IQCH: variants seen among roughly 807,000 people sequenced by gnomAD.
The protein encoded by IQCH is IQ domain-containing protein H.
In IQCH, 98 loss-of-function variants were observed where a neutral mutation model predicts 117.0. That is an observed-to-expected ratio of 0.84 (90% CI 0.71 to 0.99). IQCH has a LOEUF of 0.99. Ranked by LOEUF, IQCH falls within the 50% of genes least tolerant of loss-of-function variation. The probability of loss-of-function intolerance (pLI) is 0.00; values close to 1 mark genes in which losing one functional copy is unlikely to be tolerated. For synonymous variants in IQCH, 412 were observed against 448.2 expected (o/e 0.92, Z 1.02); for missense variants, 1,102 against 1,243.8 (o/e 0.89, Z 1.72).
chr15:67,257,116 C>T (rs1965254310), intron 1 of IQCH, among the ~76,000 whole-genome samples: 1 of 152,162 alleles, frequency 6.6e-6, no homozygotes, highest in South Asian at 2.1e-4. Flanking sequence ...TGAGATCTGA[C>T]CATGACTTTG....
intron 4 of IQCH, among the ~76,000 whole-genome samples, chr15:67,282,531 ATTG>A (rs1003057918): frequency 5.3e-5 from 8 of 152,254 alleles, no homozygotes; most frequent in East Asian, 1.9e-4. Context: ...CTGGATTACT[ATTG>A]TTGTTGTATA....
At chr15:67,319,885 CACATACAATAT>C (rs1397199761) in intron 4 of IQCH, among the ~76,000 whole-genome samples, 1 of 152,210 alleles carries the variant, frequency 6.6e-6, no homozygotes, top group African/African-American at 2.4e-5. Flanking sequence ...CACATACATA[CACATACAATAT>C]TTAAATGATC....
At chr15:67,315,732 C>T (rs536877671) in intron 4 of IQCH, among the ~76,000 whole-genome samples, 70 of 152,218 alleles carry the variant, frequency 4.6e-4, no homozygotes, top group African/African-American at 1.6e-3. Flanking sequence ...TCTTTGATAA[C>T]ACCAATTAGA....
At chr15:67,292,872 C>G (rs913936799) in intron 4 of IQCH, among the ~76,000 whole-genome samples, 2 of 152,148 alleles carry the variant, frequency 1.3e-5, no homozygotes, top group Non-Finnish European at 2.9e-5. Flanking sequence ...ACTTTTACTC[C>G]TCTCTTTCCA....
At chr15:67,399,784 AAAAG>A in intron 13 of IQCH, among the ~76,000 whole-genome samples, 1 of 152,352 alleles carries the variant, frequency 6.6e-6, no homozygotes, top group East Asian at 1.9e-4. Flanking sequence ...AATTCTCTGA[AAAAG>A]AAAGAAAACA....
chr15:67,334,745 C>T (rs777906206), intron 4 of IQCH, among the ~76,000 whole-genome samples: 12 of 152,278 alleles, frequency 7.9e-5, no homozygotes, highest in African/African-American at 9.6e-5. Context: ...GGCTGAGAGT[C>T]GCTGCAAAGC....
intron 17 of IQCH, among the ~76,000 whole-genome samples, chr15:67,471,579 C>G (rs1261006067): frequency 2.0e-5 from 3 of 152,202 alleles, no homozygotes; most frequent in Admixed American, 2.0e-4. Flanking sequence ...TCTTCTGATT[C>G]AAGTCACCTT....
rs1195849412 is a variant in IQCH, at chr15:67,411,875, A to G, written c.2098-5056A>G. 6.6e-6 allele frequency among the ~76,000 whole-genome samples: 1 copy of G among 152,226 alleles called. No homozygotes were observed. Among genetic ancestry groups the G allele is most frequent in the East Asian group, 1.9e-4 (1 of 5,194 alleles). ...ACACTTTCTTGATAGAAAAAGAGAG[A>G]GCAAGAGGCAAGTTACATACTTGGT... On this transcript the variant is annotated intron_variant, in intron 14 of 20. Transcript: ENST00000335894. The surrounding 1 kb of genome is among the most constrained non-coding windows in gnomAD (Gnocchi z 4.4).
In IQCH at chr15:67,476,420, A is replaced by G. The variant is rs2083202736; in HGVS notation, c.2799+602A>G. ...AGGTACCAGTTCCGTCAATCAAAGCATCACACCTACAGCCTCATTTAACCT... is the reference window on the plus strand; with the variant it reads ...AGGTACCAGTTCCGTCAATCAAAGCGTCACACCTACAGCCTCATTTAACCT... On this transcript the variant is annotated intron_variant, in intron 18 of 20. Transcript: ENST00000335894. This position sits in a 1 kb window ranked among gnomAD's most constrained non-coding sequence, Gnocchi z 4.1. 6.6e-6 allele frequency among the ~76,000 whole-genome samples: 1 copy of G among 152,178 alleles called. No homozygotes were observed. Among genetic ancestry groups the G allele is most frequent in the Admixed American group, 6.5e-5 (1 of 15,274 alleles).
rs1039414440 is a variant in IQCH, at chr15:67,359,638, A to G, written c.715-209A>G. ...ATTTACTTAATCAAACTCTTTCTTC[A>G]AAGCAAACGGGGCTTGGCAAACAGA... On this transcript the variant is annotated intron_variant, in intron 7 of 20. Coordinates refer to ENST00000335894, the MANE Select transcript of IQCH (RefSeq NM_001031715.3). This position sits in a 1 kb window ranked among gnomAD's most constrained non-coding sequence, Gnocchi z 4.5. Among the ~76,000 whole-genome samples, 6 of 152,240 alleles carry G rather than the reference A, an allele frequency of 3.9e-5. No individual in the cohort carries two copies. The highest frequency in any genetic ancestry group is 8.8e-5 in the Non-Finnish European group (6 of 68,038).
At position 67,454,180 on chromosome 15, in the gene IQCH, G is replaced by C. The variant is rs557111613; in HGVS notation, c.2506-10947G>C. ...ATTCCCTGACCCCTTGCGCTTCCCAGGTGGGGCGATGCCTTGCCCTGCTTT... is the reference window on the plus strand; with the variant it reads ...ATTCCCTGACCCCTTGCGCTTCCCACGTGGGGCGATGCCTTGCCCTGCTTT... On this transcript the variant is annotated intron_variant, in intron 16 of 20. Transcript: ENST00000335894. This position sits in a 1 kb window ranked among gnomAD's most constrained non-coding sequence, Gnocchi z 5.2. 2.6e-5 allele frequency among the ~76,000 whole-genome samples: 4 copies of C among 152,334 alleles called. No homozygotes were observed. The highest frequency in any genetic ancestry group is 2.6e-4 in the Admixed American group (4 of 15,304).
chr15:67,347,824 TATATATAG>T lies in IQCH; in HGVS notation c.637+3646_637+3653del, dbSNP rs947711004. ...CTATATATATATATAGATATATATT[TATATATAG>T]ATATATAGATATTTTTATATATTTA... On this transcript the variant is annotated intron_variant, in intron 6 of 20. Coordinates refer to ENST00000335894, the MANE Select transcript of IQCH (RefSeq NM_001031715.3). 6.3e-4 allele frequency among the ~76,000 whole-genome samples: 77 copies of T among 121,672 alleles called. 1 individual carries two copies. In the East Asian group the frequency reaches 0.012, roughly 19 times the overall value. The allele number at this position is 121,672 out of a possible 152,430, so 79.8% of individuals were successfully genotyped here. A position where few individuals can be genotyped will look rare whatever the true frequency, so the allele number is the denominator to read the frequency against.
intron 6 of IQCH, among the ~76,000 whole-genome samples, chr15:67,345,581 G>C (rs990164419): frequency 6.6e-6 from 1 of 152,044 alleles, no homozygotes; most frequent in Non-Finnish European, 1.5e-5. Flanking sequence ...TATAACTACA[G>C]AAAAACTATG....
intron 6 of IQCH, among the ~76,000 whole-genome samples, chr15:67,346,561 A>G (rs1411023675): frequency 1.3e-5 from 2 of 152,252 alleles, no homozygotes; most frequent in Middle Eastern, 3.4e-3. Context: ...ATCTGACAGG[A>G]GGCATGAACT....
intron 18 of IQCH, among the ~76,000 whole-genome samples, chr15:67,485,296 T>C (rs928244676): frequency 1.3e-5 from 2 of 152,150 alleles, no homozygotes; most frequent in African/African-American, 2.4e-5. Flanking sequence ...TAATTTAATA[T>C]ATGAATTTAA....
In IQCH at chr15:67,384,318, C is replaced by T. The variant is rs542348501; in HGVS notation, c.1373-618C>T. ...ACAATAGTAATTCATATGTGTTTTC[C>T]CTTCTGCTACGTTTCCAGTGGAAAT... On this transcript the variant is annotated intron_variant, in intron 10 of 20. Coordinates refer to ENST00000335894, the MANE Select transcript of IQCH (RefSeq NM_001031715.3). The surrounding 1 kb of genome is among the most constrained non-coding windows in gnomAD (Gnocchi z 4.3). Among the ~76,000 whole-genome samples, 10 of 151,766 alleles carry T rather than the reference C, an allele frequency of 6.6e-5. No individual in the cohort carries two copies. The highest frequency in any genetic ancestry group is 3.9e-4 in the Admixed American group (6 of 15,222).
Position 67,472,854 on chromosome 15 carries a change from T to C in IQCH, c.2677-2842T>C, listed in dbSNP as rs1215320004. On this transcript the variant is annotated intron_variant, in intron 17 of 20. Coordinates refer to ENST00000335894, the MANE Select transcript of IQCH (RefSeq NM_001031715.3). The surrounding 1 kb of genome is among the most constrained non-coding windows in gnomAD (Gnocchi z 4.3). ...TATCCTGGCTCTTCCTTCAGATTCTTTATGCATCACAAACCCCAGTCTGGG... is the reference window on the plus strand; with the variant it reads ...TATCCTGGCTCTTCCTTCAGATTCTCTATGCATCACAAACCCCAGTCTGGG... Among the ~76,000 whole-genome samples the C allele has an allele frequency of 6.6e-6, 1 of 152,180 alleles. No individual in the cohort carries two copies. Among genetic ancestry groups the C allele is most frequent in the Admixed American group, 6.5e-5 (1 of 15,286 alleles).
intron 1 of IQCH, among the ~76,000 whole-genome samples, chr15:67,258,392 G>A (rs1378656800): frequency 2.6e-5 from 4 of 151,694 alleles, no homozygotes; most frequent in Admixed American, 6.6e-5. Context: ...TTAGCCGAGC[G>A]TGGTGGCATG....
At chr15:67,264,289 T>C (rs1292555357) in intron 3 of IQCH, among the ~76,000 whole-genome samples, 3 of 151,804 alleles carry the variant, frequency 2.0e-5, no homozygotes, top group African/African-American at 7.2e-5. Context: ...AGTTATCTGT[T>C]GTTTAAGAAA....
Sources: gnomAD v4.1 joint callset for allele counts (sites outside exome capture counted in the v4.1 genomes callset) on GRCh38, gnomAD v4.1.1 for gene constraint, Gnocchi (gnomAD v3.1) non-coding constraint, MANE v1.5 for transcripts, NCBI Gene and HGNC (gene_info 2026-07-23, HGNC 2026-07-21) for gene names.